The following FRAS1 variants were observed in gnomAD, a reference collection of about 807,000 sequenced individuals.
FRAS1 encodes the protein extracellular matrix organizing protein FRAS1.
Under a neutral mutation model 435.2 loss-of-function variants are expected in FRAS1, and 290 were observed. The ratio of observed to expected loss-of-function variants is 0.67; its 90% CI spans 0.61 to 0.73. FRAS1 has a LOEUF of 0.73. Among genes scored for constraint, FRAS1 ranks in the 30% least tolerant of loss-of-function variants. FRAS1 has a pLI of 0.00. For synonymous variants in FRAS1, 1,800 were observed against 1,851.0 expected, an observed-to-expected ratio of 0.97 and a Z score of 0.71; for missense variants, 4,860 against 5,001.5, an observed-to-expected ratio of 0.97 and a Z score of 0.85.
chr4:78,118,605 G>C (rs144065363), intron 2 of FRAS1, among the ~76,000 whole-genome samples: 3,557 of 152,270 alleles, frequency 0.023, 94 homozygotes, highest in South Asian at 0.092. Context: ...CGTGGGCATA[G>C]GACCCTCAGA....
At chr4:78,483,808 A>G (rs59039329) in intron 58 of FRAS1, among the ~76,000 whole-genome samples, 123,388 of 126,422 alleles carry the variant, frequency 0.98, 60,280 homozygotes, top group East Asian at 1. Flanking sequence ...AAAATTATGT[A>G]TGTGTGATAC....
At chr4:78,303,036 A>C (rs1578238567) in intron 14 of FRAS1, among the ~76,000 whole-genome samples, 1 of 152,070 alleles carries the variant, frequency 6.6e-6, no homozygotes, top group Non-Finnish European at 1.5e-5. Context: ...ATTTTTGTAT[A>C]AGGTGTAAGG....
intron 44 of FRAS1, among the ~76,000 whole-genome samples, chr4:78,448,700 C>A (rs78862508): frequency 6.6e-6 from 1 of 152,068 alleles, no homozygotes; most frequent in Non-Finnish European, 1.5e-5. Flanking sequence ...ATTTTTAAGA[C>A]GCTTATTTTT....
intron 18 of FRAS1, 22 bp downstream of exon 18, chr4:78,319,008 G>C (rs1395291852): frequency 6.2e-7 from 1 of 1,612,272 alleles, no homozygotes. Flanking sequence ...TTGAGAAAGT[G>C]TTAGGTAGCC....
intron 15 of FRAS1, among the ~76,000 whole-genome samples, chr4:78,312,879 G>GAGAGAGAGAGAGAGAGAGAGAGAGAA (rs143465313): frequency 2.3e-5 from 3 of 129,158 alleles, no homozygotes; most frequent in Non-Finnish European, 3.4e-5. Flanking sequence ...GAGAGAGAGA[G>GAGAGAGAGAGAGAGAGAGAGAGAGAA]AGAAAGAAAG....
In FRAS1 at chr4:78,305,910, G is replaced by GT. The variant is rs571147215; in HGVS notation, c.1535-2154dup. Among the ~76,000 whole-genome samples, 61 of 151,166 alleles carry GT rather than the reference G, an allele frequency of 4.0e-4. 2 individuals carry two copies. The South Asian group carries it at 6.6e-3, about 16-fold the overall frequency. On this transcript the variant is annotated intron_variant, in intron 14 of 73. Transcript: ENST00000512123. Reference sequence around the variant, plus strand: ...GTGAATTTGATCCTGTCATTATGATGTTAGCTGCTTATTTTGCTCATTAGT... The same window carrying GT: ...GTGAATTTGATCCTGTCATTATGATGTTTAGCTGCTTATTTTGCTCATTAGT...
rs778375132 is a variant in FRAS1 at position 78,448,230 on chromosome 4, A to T, written c.6188A>T (p.Asp2063Val). 1.9e-6 allele frequency: 3 copies of T among 1,612,154 alleles called. No homozygotes were observed. The highest frequency in any genetic ancestry group is 2.2e-5 in the South Asian group (2 of 90,924). The part of the protein sequence containing the change: ...QFSLTDGLHV[D>V]TGRMKIYTEL... ...TCCCTCACTGATGGCCTCCACGTGG[A>T]CACAGGGAGGATGAAGATCTACACA... Residue 2063 changes from aspartate to valine, a missense_variant, in exon 44 of 74, where the codon GAC becomes GTC. Transcript: ENST00000512123.
intron 2 of FRAS1, among the ~76,000 whole-genome samples, chr4:78,166,922 T>C (rs1721355387): frequency 2.0e-5 from 3 of 152,160 alleles, no homozygotes; most frequent in Non-Finnish European, 4.4e-5. Context: ...GAGCCATAGA[T>C]TGTCTTTGCA....
chr4:78,420,802 C>T (rs1481101298), intron 33 of FRAS1, among the ~76,000 whole-genome samples: 1 of 147,830 alleles, frequency 6.8e-6, no homozygotes, highest in African/African-American at 2.5e-5. Flanking sequence ...CTGGTCTAGG[C>T]TATGGTAGGG....
chr4:78,257,346 G>A (rs1306475053), intron 6 of FRAS1, among the ~76,000 whole-genome samples: 1 of 152,044 alleles, frequency 6.6e-6, no homozygotes, highest in Admixed American at 6.5e-5. Flanking sequence ...CCAAGGCCAT[G>A]ATTACTTTTG....
intron 31 of FRAS1, 108 bp downstream of exon 31, chr4:78,407,949 T>A (rs557191968): frequency 1.1e-6 from 1 of 933,786 alleles, no homozygotes; most frequent in African/African-American, 1.7e-5. Context: ...GAAATCACAT[T>A]TGGGGGACGT....
intron 2 of FRAS1, among the ~76,000 whole-genome samples, chr4:78,119,337 C>T (rs138746280): frequency 4.7e-4 from 72 of 152,286 alleles, no homozygotes; most frequent in Admixed American, 4.2e-3. Flanking sequence ...CTATCCCTTC[C>T]TTCCCTTACC....
At chr4:78,200,756 T>C (rs1409924477) in intron 2 of FRAS1, among the ~76,000 whole-genome samples, 1 of 151,656 alleles carries the variant, frequency 6.6e-6, no homozygotes, top group African/African-American at 2.4e-5. Context: ...ATTCAGTATA[T>C]TTACCTGCAT....
At chr4:78,141,690 T>C (rs1179044571) in intron 2 of FRAS1, among the ~76,000 whole-genome samples, 1 of 152,174 alleles carries the variant, frequency 6.6e-6, no homozygotes, top group East Asian at 1.9e-4. Context: ...CACTCATGTT[T>C]ATAGCAGCAC....
At position 78,290,586 on chromosome 4, in the gene FRAS1, G is replaced by T. The variant is rs879530892; in HGVS notation, c.1534+4047G>T. On this transcript the variant is annotated intron_variant, in intron 14 of 73. Transcript: ENST00000512123. ...ATTCTCCTGCTTCCTGAGCAGCTGG[G>T]ATTACAGGTGCTCACCACCATGCCT... is the stretch of plus-strand genomic sequence containing the variant. Among the ~76,000 whole-genome samples, 131 of 152,026 alleles carry T rather than the reference G, an allele frequency of 8.6e-4. 5 individuals are homozygous for T. Among genetic ancestry groups the T allele is most frequent in the South Asian group, 1.7e-3 (8 of 4,808 alleles).
chr4:78,463,566 G>A (rs891798218), intron 47 of FRAS1, among the ~76,000 whole-genome samples: 1 of 152,198 alleles, frequency 6.6e-6, no homozygotes, highest in Non-Finnish European at 1.5e-5. Context: ...CAGAAACAAG[G>A]CTGTGTGTAG....
intron 2 of FRAS1, among the ~76,000 whole-genome samples, chr4:78,182,743 G>T (rs1335481364): frequency 1.3e-5 from 2 of 152,002 alleles, no homozygotes; most frequent in Admixed American, 1.3e-4. Flanking sequence ...AGCTGGACAT[G>T]GTGGCACGTG....
intron 9 of FRAS1, among the ~76,000 whole-genome samples, 185 bp from the exon 10 acceptor site, chr4:78,278,470 G>A (rs919868728): frequency 6.6e-6 from 1 of 152,194 alleles, no homozygotes; most frequent in African/African-American, 2.4e-5. Flanking sequence ...ATGGAGGAGT[G>A]TGCTGTGTGG....
At chr4:78,194,518 C>A (rs1023274744) in intron 2 of FRAS1, among the ~76,000 whole-genome samples, 17 of 152,192 alleles carry the variant, frequency 1.1e-4, no homozygotes, top group African/African-American at 3.9e-4. Flanking sequence ...TCATTTCATT[C>A]ATTTGATCTT....
Sources: allele counts gnomAD v4.1 joint callset (sites outside exome capture counted in the v4.1 genomes callset), GRCh38; gene constraint gnomAD v4.1.1; transcripts MANE v1.5; gene names NCBI Gene and HGNC (gene_info 2026-07-23, HGNC 2026-07-21).